The following RELN variants were observed in gnomAD, a reference collection of about 807,000 sequenced individuals.
The protein encoded by RELN is reelin.
Under a neutral mutation model 427.6 loss-of-function variants are expected in RELN, and 108 were observed. The ratio of observed to expected loss-of-function variants is 0.25; its 90% CI spans 0.22 to 0.30. The LOEUF (loss-of-function observed/expected upper bound fraction) is 0.30. Among genes scored for constraint, RELN ranks in the 10% least tolerant of loss-of-function variants. RELN has a pLI of 1.00. For missense variants in RELN, 3,715 were observed against 4,302.8 expected, an observed-to-expected ratio of 0.86 and a Z score of 3.82; for synonymous variants, 1,524 against 1,513.4, an observed-to-expected ratio of 1.01 and a Z score of -0.16.
intron 6 of RELN, among the ~76,000 whole-genome samples, chr7:103,745,890 T>A (rs1790810684): frequency 6.6e-6 from 1 of 152,206 alleles, no homozygotes; most frequent in Non-Finnish European, 1.5e-5. Context: ...TACCAATGAC[T>A]TTCTTCACAG....
At chr7:103,744,011 A>C (rs909979895) in intron 6 of RELN, among the ~76,000 whole-genome samples, 2 of 152,204 alleles carry the variant, frequency 1.3e-5, no homozygotes, top group African/African-American at 4.8e-5. Context: ...ACATAGTTGG[A>C]AGTAAAGCAC....
At chr7:103,732,435 C>T (rs1305550823) in intron 6 of RELN, among the ~76,000 whole-genome samples, 1 of 152,002 alleles carries the variant, frequency 6.6e-6, no homozygotes, top group Non-Finnish European at 1.5e-5. Context: ...GGTGATCTTC[C>T]TAATATTTTT....
intron 22 of RELN, among the ~76,000 whole-genome samples, chr7:103,607,710 T>C (rs377210673): frequency 2.7e-4 from 41 of 152,218 alleles, no homozygotes; most frequent in African/African-American, 8.7e-4. Context: ...TTCATAGTTA[T>C]GTTACCTGAG....
At chr7:103,553,347 T>G in intron 40 of RELN, 114 bp downstream of exon 40, 1 of 781,350 alleles carries the variant, frequency 1.3e-6, no homozygotes, top group Non-Finnish European at 2.2e-6. Context: ...TCTTACATCC[T>G]TGCACAAAAA....
At chr7:103,675,418 C>T (rs1417327929) in intron 11 of RELN, among the ~76,000 whole-genome samples, 1 of 152,182 alleles carries the variant, frequency 6.6e-6, no homozygotes, top group Admixed American at 6.5e-5. Context: ...ACATTCCATG[C>T]TCATGGATAG....
chr7:103,698,160 T>C (rs762579040), intron 9 of RELN, 67 bp from the exon 10 acceptor site: 4 of 1,592,550 alleles, frequency 2.5e-6, no homozygotes, highest in Non-Finnish European at 3.4e-6. Flanking sequence ...ATGAATTTTG[T>C]TTCTTAAGGT....
intron 2 of RELN, among the ~76,000 whole-genome samples, chr7:103,881,505 G>A (rs943126126): frequency 2.0e-5 from 3 of 151,996 alleles, no homozygotes; most frequent in Middle Eastern, 3.2e-3. Context: ...CCTTCTTGCT[G>A]CCCCTTTATG....
chr7:103,763,700 G>A (rs561587310), intron 4 of RELN, among the ~76,000 whole-genome samples: 1 of 152,264 alleles, frequency 6.6e-6, no homozygotes, highest in South Asian at 2.1e-4. Context: ...ACTTATTCCA[G>A]CTGAAATAAA....
chr7:103,480,134 C>A (rs1354555624), intron 63 of RELN, among the ~76,000 whole-genome samples: 1 of 152,130 alleles, frequency 6.6e-6, no homozygotes, highest in East Asian at 1.9e-4. Flanking sequence ...GAGGAGTTAA[C>A]ATTGCTAGTT....
intron 11 of RELN, among the ~76,000 whole-genome samples, chr7:103,670,187 C>T (rs1234894564): frequency 1.3e-5 from 2 of 152,124 alleles, no homozygotes; most frequent in Non-Finnish European, 2.9e-5. Context: ...AACCAGCCCA[C>T]ACTTCAATAC....
rs563197752 is a variant in RELN at position 103,887,249 on chromosome 7, A to G, written c.337+29826T>C. On this transcript the variant is annotated intron_variant, in intron 2 of 64. Transcript: ENST00000428762. The stretch of plus-strand genomic sequence containing the variant: ...CCAGACAGCCTCATGATTTACACCA[A>G]TCTTGGTGTTGGCTGATTAACAGTG... 5.9e-4 allele frequency among the ~76,000 whole-genome samples: 90 copies of G among 152,210 alleles called. 1 individual carries two copies. The highest frequency in any genetic ancestry group is 2.1e-3 in the African/African-American group (89 of 41,548).
chr7:103,754,022 A>G (rs1791070360), intron 4 of RELN, among the ~76,000 whole-genome samples: 2 of 152,162 alleles, frequency 1.3e-5, no homozygotes, highest in Non-Finnish European at 2.9e-5. Context: ...TTGATACTCA[A>G]TTCAGTTACT....
chr7:103,804,860 A>T (rs1792557697), intron 3 of RELN, among the ~76,000 whole-genome samples: 1 of 152,184 alleles, frequency 6.6e-6, no homozygotes, highest in Non-Finnish European at 1.5e-5. Context: ...TTTGCTAGAT[A>T]TCACATCCAG....
chr7:103,632,243 T>C (rs1232360978), intron 19 of RELN, among the ~76,000 whole-genome samples: 2 of 152,216 alleles, frequency 1.3e-5, no homozygotes, highest in Non-Finnish European at 2.9e-5. Context: ...CTTCTATGTG[T>C]CTCAGCAGCT....
rs1319592611 is a variant in RELN at position 103,887,174 on chromosome 7, T to C, written c.337+29901A>G. ...TGGCTGCTAAAGAGCTGAAATAGAG[T>C]TTGGGGGAATTTAGAAACTACTTCC... On this transcript the variant is annotated intron_variant, in intron 2 of 64. Coordinates refer to ENST00000428762, the MANE Select transcript of RELN (RefSeq NM_005045.4). Among the ~76,000 whole-genome samples the C allele has an allele frequency of 6.6e-5, 10 of 151,956 alleles. 1 individual carries two copies. Among genetic ancestry groups the C allele is most frequent in the African/African-American group, 2.4e-4 (10 of 41,418 alleles).
At chr7:103,793,363 A>G (rs1371222195) in intron 3 of RELN, among the ~76,000 whole-genome samples, 1 of 152,226 alleles carries the variant, frequency 6.6e-6, no homozygotes, top group Non-Finnish European at 1.5e-5. Flanking sequence ...GTTTTGATAA[A>G]TTAAAGAATT....
At chr7:103,865,787 A>G (rs905758180) in intron 2 of RELN, among the ~76,000 whole-genome samples, 1 of 152,186 alleles carries the variant, frequency 6.6e-6, no homozygotes, top group African/African-American at 2.4e-5. Flanking sequence ...CCCATAACTA[A>G]CATCATACTC....
intron 36 of RELN, among the ~76,000 whole-genome samples, chr7:103,558,988 G>A (rs1830584345): frequency 6.6e-6 from 1 of 152,180 alleles, no homozygotes; most frequent in African/African-American, 2.4e-5. Flanking sequence ...CTCAATAGCT[G>A]AAAAAAATTT....
intron 28 of RELN, among the ~76,000 whole-genome samples, chr7:103,582,238 T>C (rs1831168589): frequency 6.6e-6 from 1 of 152,232 alleles, no homozygotes; most frequent in South Asian, 2.1e-4. Context: ...TTTGGACCAG[T>C]ATATGAGAAA....
Sources: gnomAD v4.1 joint callset for allele counts (sites outside exome capture counted in the v4.1 genomes callset) on GRCh38, gnomAD v4.1.1 for gene constraint, MANE v1.5 for transcripts, NCBI Gene and HGNC (gene_info 2026-07-23, HGNC 2026-07-21) for gene names.